Variants in CFAP299 observed in about 807,000 individuals in gnomAD.
The protein encoded by CFAP299 is cilia and flagella associated protein 299.
CFAP299 carries 21 observed loss-of-function variants against 27.0 expected under a neutral mutation model. The observed-to-expected ratio is 0.78, with a 90% CI of 0.55 to 1.12. The LOEUF (loss-of-function observed/expected upper bound fraction) is 1.12, where lower values mean the gene tolerates loss of function less well. CFAP299 is among the 50% of genes most tolerant of loss of function. The pLI is 0.00. For synonymous variants in CFAP299, 104 were observed against 98.1 expected (o/e 1.06, Z -0.36); for missense variants, 310 against 276.6 (o/e 1.12, Z -0.86).
At chr4:80,756,168 T>G (rs1725229197) in intron 3 of CFAP299, among the ~76,000 whole-genome samples, 1 of 152,104 alleles carries the variant, frequency 6.6e-6, no homozygotes, top group Non-Finnish European at 1.5e-5. Context: ...TTTACTCTCT[T>G]TTTTGCTGAT....
At chr4:80,679,463 G>A (rs1489421825) in intron 3 of CFAP299, among the ~76,000 whole-genome samples, 1 of 151,856 alleles carries the variant, frequency 6.6e-6, no homozygotes, top group Non-Finnish European at 1.5e-5. Context: ...ATGTAGTATG[G>A]CAAGTGCACG....
Position 80,872,802 on chromosome 4 carries a change from G to A in CFAP299, c.476+2667G>A, listed in dbSNP as rs553960326. On this transcript the variant is annotated intron_variant, in intron 4 of 5. Coordinates refer to ENST00000358105, the MANE Select transcript of CFAP299 (RefSeq NM_152770.3). ...TTAAGATTTTTCCCTGTTATTTCAAGTGAGCTATTCTTTTTCTTGCAAATT... is the reference window on the plus strand; with the variant it reads ...TTAAGATTTTTCCCTGTTATTTCAAATGAGCTATTCTTTTTCTTGCAAATT... 55 of 695,386 alleles carry A rather than the reference G, an allele frequency of 7.9e-5. No homozygotes were observed. The East Asian group carries it at 5.7e-3, about 72-fold the overall frequency. 43.1% of individuals were successfully genotyped at this position (695,386 alleles called of 1,614,324 possible).
rs184871347 is a variant in CFAP299 at position 80,797,452 on chromosome 4, C to T, written c.334-72541C>T. The stretch of plus-strand genomic sequence containing the variant: ...CTATCAATTTCACTTCTAGGAATAC[C>T]GTGATCAATTAGCCAATGCCAGAGC... On this transcript the variant is annotated intron_variant, in intron 3 of 5. Transcript: ENST00000358105. 6.6e-4 allele frequency among the ~76,000 whole-genome samples: 89 copies of T among 135,382 alleles called. 1 individual carries two copies. In the East Asian group the frequency reaches 0.016, roughly 25 times the overall value. The allele number at this position is 135,382 out of a possible 152,430, so 88.8% of individuals were successfully genotyped here.
intron 3 of CFAP299, among the ~76,000 whole-genome samples, chr4:80,664,028 A>G (rs1157354646): frequency 6.6e-6 from 1 of 151,980 alleles, no homozygotes; most frequent in Non-Finnish European, 1.5e-5. Flanking sequence ...TAGATTCTGG[A>G]TATTAGCCCT....
At chr4:80,591,687 C>A (rs1202490211) in intron 3 of CFAP299, among the ~76,000 whole-genome samples, 1 of 152,136 alleles carries the variant, frequency 6.6e-6, no homozygotes, top group East Asian at 1.9e-4. Context: ...TGAGGCTAAT[C>A]TTTTAAAATA....
chr4:80,711,426 C>G (rs1722161644), intron 3 of CFAP299, among the ~76,000 whole-genome samples: 1 of 152,220 alleles, frequency 6.6e-6, no homozygotes, highest in Non-Finnish European at 1.5e-5. Context: ...CATCTTTCAC[C>G]TGCCTACAGC....
At chr4:80,864,491 C>CAT (rs1553901359) in intron 3 of CFAP299, among the ~76,000 whole-genome samples, 1 of 145,396 alleles carries the variant, frequency 6.9e-6, no homozygotes, top group African/African-American at 2.5e-5. Context: ...CATATATACA[C>CAT]ATATATATAC....
chr4:80,426,511 A>G (rs1408773060), intron 2 of CFAP299, among the ~76,000 whole-genome samples: 1 of 152,220 alleles, frequency 6.6e-6, no homozygotes, highest in East Asian at 1.9e-4. Context: ...TCAGAGATTC[A>G]GCATTGCTGG....
At chr4:80,800,609 T>G (rs1276181441) in intron 3 of CFAP299, among the ~76,000 whole-genome samples, 2 of 98,126 alleles carry the variant, frequency 2.0e-5, no homozygotes, top group Admixed American at 1.8e-4. Context: ...AATATAAATA[T>G]ATAATATATA....
chr4:80,375,137 G>A (rs971973702), intron 2 of CFAP299, among the ~76,000 whole-genome samples: 2 of 152,088 alleles, frequency 1.3e-5, no homozygotes, highest in Non-Finnish European at 2.9e-5. Flanking sequence ...AGATTAAAAG[G>A]CTCAGGAAAA....
the CFAP299 span, among the ~76,000 whole-genome samples, chr4:80,321,324 A>AT: frequency 4.0e-5 from 6 of 151,638 alleles, no homozygotes; most frequent in African/African-American, 7.3e-5. Context: ...TTATTAATTC[A>AT]TTTTTTTTTC....
intron 2 of CFAP299, among the ~76,000 whole-genome samples, chr4:80,366,107 GC>G (rs1723821054): frequency 6.6e-6 from 1 of 152,190 alleles, no homozygotes; most frequent in Non-Finnish European, 1.5e-5. Context: ...TGACAGCAGG[GC>G]CAGCAGATGG....
chr4:80,651,011 A>T (rs951565477), intron 3 of CFAP299, among the ~76,000 whole-genome samples: 4 of 152,202 alleles, frequency 2.6e-5, no homozygotes, highest in Non-Finnish European at 5.9e-5. Context: ...AACCTATGGA[A>T]ATAAAAAAAA....
chr4:80,808,108 G>T (rs1425200875), intron 3 of CFAP299, among the ~76,000 whole-genome samples: 1 of 151,402 alleles, frequency 6.6e-6, no homozygotes, highest in African/African-American at 2.4e-5. Context: ...GTTAAAAATT[G>T]TATTTGTAAA....
intron 2 of CFAP299, among the ~76,000 whole-genome samples, chr4:80,374,302 T>C (rs1333152767): frequency 6.6e-6 from 1 of 152,176 alleles, no homozygotes; most frequent in Non-Finnish European, 1.5e-5. Context: ...TGGGATAATA[T>C]TCCTTTTTTT....
At chr4:80,881,317 T>TA (rs1560460736) in intron 4 of CFAP299, among the ~76,000 whole-genome samples, 1 of 152,220 alleles carries the variant, frequency 6.6e-6, no homozygotes, top group Non-Finnish European at 1.5e-5. Context: ...GAAGGGGCCT[T>TA]ATCTCCTGCA....
At chr4:80,933,004 A>T (rs939811438) in intron 4 of CFAP299, among the ~76,000 whole-genome samples, 20 of 152,202 alleles carry the variant, frequency 1.3e-4, no homozygotes, top group Non-Finnish European at 2.8e-4. Context: ...CCATTTTATT[A>T]AAAAATTACA....
At chr4:80,405,264 G>T (rs949993816) in intron 2 of CFAP299, among the ~76,000 whole-genome samples, 1 of 152,154 alleles carries the variant, frequency 6.6e-6, no homozygotes, top group Non-Finnish European at 1.5e-5. Flanking sequence ...GTAGTCTCAA[G>T]AATCTGTGTT....
At chr4:80,604,814 T>C (rs1390507841) in intron 3 of CFAP299, among the ~76,000 whole-genome samples, 1 of 151,070 alleles carries the variant, frequency 6.6e-6, no homozygotes, top group Non-Finnish European at 1.5e-5. Context: ...GAATTGCACG[T>C]CACATCAGAA....
Sources: gnomAD v4.1 joint callset for allele counts (sites outside exome capture counted in the v4.1 genomes callset) on GRCh38, gnomAD v4.1.1 for gene constraint, MANE v1.5 for transcripts, NCBI Gene and HGNC (gene_info 2026-07-23, HGNC 2026-07-21) for gene names.